The following RUNDC3A variants were observed in gnomAD, a reference collection of about 807,000 sequenced individuals.
RUNDC3A encodes RUN domain containing 3A.
In RUNDC3A, 28 loss-of-function variants were observed where a neutral mutation model predicts 53.9. The observed-to-expected ratio is 0.52, with a 90% CI of 0.38 to 0.71. The LOEUF (loss-of-function observed/expected upper bound fraction) is 0.71, where lower values mean the gene tolerates loss of function less well. RUNDC3A is among the 30% of genes least tolerant of loss of function. The pLI, the probability that RUNDC3A is intolerant of heterozygous loss-of-function variation, is 0.00. For synonymous variants in RUNDC3A, 232 were observed against 249.4 expected (o/e 0.93, Z 0.66); for missense variants, 491 against 597.3 (o/e 0.82, Z 1.85).
At position 44,318,362 on chromosome 17, in the gene RUNDC3A, C is replaced by A; in HGVS notation, c.*124C>A. 1 of 1,117,454 alleles carries A rather than the reference C, an allele frequency of 8.9e-7. No homozygotes were observed. Among genetic ancestry groups the A allele is most frequent in the Non-Finnish European group, 1.3e-6 (1 of 787,340 alleles). 69.2% of individuals were successfully genotyped at this position (1,117,454 alleles called of 1,614,324 possible). ...GAACGCTACCCACCCAGCCAGGGTT[C>A]TCTCGGGGAAGATCTCGTCTGCTCA... is the stretch of plus-strand genomic sequence containing the variant. On this transcript the variant is annotated 3_prime_UTR_variant, in exon 11 of 11. Transcript: ENST00000426726.
chr17:44,308,956 G>A lies in RUNDC3A; in HGVS notation c.107+17G>A, dbSNP rs965797515. The A allele has an allele frequency of 6.4e-7, 1 of 1,566,490 alleles. No individual in the cohort carries two copies. Among genetic ancestry groups the A allele is most frequent in the Non-Finnish European group, 8.7e-7 (1 of 1,145,758 alleles). Reference sequence around the variant, plus strand: ...CGTGTGCAGGTGGGCACCGCTAGTGGGCGGGGGCTGGGGTGGTGAGGGAGA... The same window carrying A: ...CGTGTGCAGGTGGGCACCGCTAGTGAGCGGGGGCTGGGGTGGTGAGGGAGA... On this transcript the variant is annotated intron_variant, in intron 1 of 10. Transcript: ENST00000426726.
chr17:44,316,350 T>C, intron 8 of RUNDC3A, 35 bp from the exon 9 acceptor site: 1 of 1,588,984 alleles, frequency 6.3e-7, no homozygotes, highest in Non-Finnish European at 8.6e-7. Context: ...CTTCTCCTAC[T>C]TCCAGCCAGG....
intron 10 of RUNDC3A, 28 bp downstream of exon 10, chr17:44,316,753 AC>A: frequency 6.7e-7 from 1 of 1,486,022 alleles, no homozygotes; most frequent in Non-Finnish European, 9.1e-7. Context: ...AACACCCAGT[AC>A]CCCTCCAGAA....
chr17:44,314,651 C>T, intron 4 of RUNDC3A, 84 bp from the exon 5 acceptor site: 1 of 1,314,696 alleles, frequency 7.6e-7, no homozygotes, highest in Non-Finnish European at 1.0e-6. Flanking sequence ...GATGGGGTGG[C>T]AGTAAGCCAA....
Position 44,317,017 on chromosome 17 carries a change from G to A in RUNDC3A, c.1198+292G>A, listed in dbSNP as rs118105236. ...TGTGTATTTTTAGTAGAGACGCGCG[G>A]CTAATTTGTGTATTTTTAGTAGAGA... On this transcript the variant is annotated intron_variant, in intron 10 of 10. Transcript: ENST00000426726. 3.2e-4 allele frequency: 134 copies of A among 422,948 alleles called. 1 individual carries two copies. In the East Asian group the frequency reaches 5.1e-3, roughly 16 times the overall value. The allele number at this position is 422,948 out of a possible 1,614,324, so 26.2% of individuals were successfully genotyped here.
intron 4 of RUNDC3A, 173 bp downstream of exon 4, chr17:44,313,676 C>CTTT: frequency 8.6e-7 from 1 of 1,163,134 alleles, no homozygotes; most frequent in South Asian, 2.4e-5. Flanking sequence ...CCAGGACGAA[C>CTTT]TCTTTTTTTT....
At chr17:44,311,912 A>G (rs1264670761) in intron 1 of RUNDC3A, among the ~76,000 whole-genome samples, 1 of 141,514 alleles carries the variant, frequency 7.1e-6, no homozygotes, top group Non-Finnish European at 1.5e-5. Context: ...CATACCCCGC[A>G]CCTCCCCACC....
At position 44,308,808 on chromosome 17, in the gene RUNDC3A, G is replaced by C; in HGVS notation, c.-25G>C. The C allele has an allele frequency of 6.6e-7, 1 of 1,518,608 alleles. No homozygotes were observed. The highest frequency in any genetic ancestry group is 9.0e-7 in the Non-Finnish European group (1 of 1,113,192). 94.1% of individuals were successfully genotyped at this position (1,518,608 alleles called of 1,614,324 possible). A position where few individuals can be genotyped will look rare whatever the true frequency, so the allele number is the denominator to read the frequency against. On this transcript the variant is annotated 5_prime_UTR_variant, in exon 1 of 11. Coordinates refer to ENST00000426726, the MANE Select transcript of RUNDC3A (RefSeq NM_001144825.2). ...GGGAGGGGTGGGGGGGCAGCGGGCGGCGGCAGCAGTGGCCGCACATCTGGA... is the reference window on the plus strand; with the variant it reads ...GGGAGGGGTGGGGGGGCAGCGGGCGCCGGCAGCAGTGGCCGCACATCTGGA...
Position 44,318,435 on chromosome 17 carries a change from G to A in RUNDC3A, c.*197G>A. The A allele has an allele frequency of 1.6e-6, 1 of 637,454 alleles. No homozygotes were observed. Among genetic ancestry groups the A allele is most frequent in the Non-Finnish European group, 2.6e-6 (1 of 380,196 alleles). The allele number at this position is 637,454 out of a possible 1,614,324, so 39.5% of individuals were successfully genotyped here. A position where few individuals can be genotyped will look rare whatever the true frequency, so the allele number is the denominator to read the frequency against. On this transcript the variant is annotated 3_prime_UTR_variant, in exon 11 of 11. Transcript: ENST00000426726. ...CACGGGCTGCGGAAGAAAGCACGCT[G>A]GGCCAGGAGGCAGGGGTGCCCAAGC...
Position 44,312,765 on chromosome 17 carries a change from G to A in RUNDC3A, c.223+70G>A, listed in dbSNP as rs1185832500. ...CTCCCCCAGTGGTCCCTCCCCCAGC[G>A]CCCCTCCCCCAGCGGTCCCTCCCCA... is the stretch of plus-strand genomic sequence containing the variant. On this transcript the variant is annotated intron_variant, in intron 2 of 10. Transcript: ENST00000426726. 169 of 340,298 alleles carry A rather than the reference G, an allele frequency of 5.0e-4. 1 individual carries two copies. The highest frequency in any genetic ancestry group is 2.3e-3 in the Admixed American group (32 of 13,926). The allele number at this position is 340,298 out of a possible 1,614,324, so 21.1% of individuals were successfully genotyped here.
chr17:44,317,869 C>A, intron 10 of RUNDC3A: 1 of 593,940 alleles, frequency 1.7e-6, no homozygotes, highest in African/African-American at 1.9e-5. Context: ...GGATGACCCT[C>A]ACGGGGAGAC....
At chr17:44,317,877 G>T in intron 10 of RUNDC3A, 1 of 594,868 alleles carries the variant, frequency 1.7e-6, no homozygotes, top group South Asian at 2.0e-5. Context: ...CTCACGGGGA[G>T]ACAGAGACAT....
intron 4 of RUNDC3A, chr17:44,313,900 C>T (rs1448113860): frequency 1.1e-6 from 1 of 904,492 alleles, no homozygotes; most frequent in African/African-American, 1.8e-5. Context: ...AAACTCCCAA[C>T]CTCAGGTGAT....
rs762915955 is a variant in RUNDC3A at position 44,316,338 on chromosome 17, C to T, written c.954-47C>T. The T allele has an allele frequency of 1.9e-6, 3 of 1,569,938 alleles. No individual in the cohort carries two copies. The Middle Eastern group carries it at 5.1e-4, about 266-fold the overall frequency. On this transcript the variant is annotated intron_variant, in intron 8 of 10. Coordinates refer to ENST00000426726, the MANE Select transcript of RUNDC3A (RefSeq NM_001144825.2). The stretch of plus-strand genomic sequence containing the variant: ...ATCCCCTTGCTGAATCTCCCTTCCT[C>T]ACTTCTCCTACTTCCAGCCAGGCCT...
At position 44,315,351 on chromosome 17, in the gene RUNDC3A, G is replaced by T. The variant is rs528713440; in HGVS notation, c.795+31G>T. 3 of 1,311,320 alleles carry T rather than the reference G, an allele frequency of 2.3e-6. No homozygotes were observed. The highest frequency in any genetic ancestry group is 2.9e-6 in the Non-Finnish European group (3 of 1,024,248). The allele number at this position is 1,311,320 out of a possible 1,614,324, so 81.2% of individuals were successfully genotyped here. ...CGACGCCGGCGGGCCCGGGGGGCGGGCGGGCCGGGCGGGGGATCCGGGCAT... is the reference window on the plus strand; with the variant it reads ...CGACGCCGGCGGGCCCGGGGGGCGGTCGGGCCGGGCGGGGGATCCGGGCAT... On this transcript the variant is annotated intron_variant, in intron 7 of 10. Coordinates refer to ENST00000426726, the MANE Select transcript of RUNDC3A (RefSeq NM_001144825.2). This position sits in a 1 kb window ranked among gnomAD's most constrained non-coding sequence, Gnocchi z 6.1.
rs1408329896 is a variant in RUNDC3A at position 44,318,124 on chromosome 17, C to T, written c.1227C>T (p.Gly409=). 2 of 1,551,552 alleles carry T rather than the reference C, an allele frequency of 1.3e-6. No homozygotes were observed. The highest frequency in any genetic ancestry group is 1.7e-6 in the Non-Finnish European group (2 of 1,146,974). Reference sequence around the variant, plus strand: ...AGGACCCCACGCCCTCCATGCTGGGCCTCTGCGGCTCCCTGGCCTCCATTC... The same window carrying T: ...AGGACCCCACGCCCTCCATGCTGGGTCTCTGCGGCTCCCTGGCCTCCATTC... ...IGKDPTPSML[G]LCGSLASIPS... The change falls in exon 11 of 11, where the codon GGC becomes GGT. Residue 409 remains glycine, a synonymous_variant. Coordinates refer to ENST00000426726, the MANE Select transcript of RUNDC3A (RefSeq NM_001144825.2).
intron 10 of RUNDC3A, chr17:44,317,223 C>G (rs1455554153): frequency 1.7e-6 from 1 of 583,798 alleles, no homozygotes; most frequent in Non-Finnish European, 3.1e-6. Flanking sequence ...ATATGCAGAA[C>G]CCAGCATAAA....
rs199996503 is a variant in RUNDC3A at position 44,315,185 on chromosome 17, G to A, written c.660G>A (p.Arg220=). The A allele has an allele frequency of 6.4e-7, 1 of 1,561,814 alleles. No individual in the cohort carries two copies. Among genetic ancestry groups the A allele is most frequent in the Non-Finnish European group, 8.7e-7 (1 of 1,152,856 alleles). Residue 220 remains arginine (R), a synonymous_variant, in exon 7 of 11, where the codon CGG becomes CGA. Coordinates refer to ENST00000426726, the MANE Select transcript of RUNDC3A (RefSeq NM_001144825.2). This position sits in a 1 kb window ranked among gnomAD's most constrained non-coding sequence, Gnocchi z 6.1. ...ACTACCTGACGGACGAGGAGGAGCGGCACAGCGCCGAGAGCAGCACGAGCG... is the reference window on the plus strand; with the variant it reads ...ACTACCTGACGGACGAGGAGGAGCGACACAGCGCCGAGAGCAGCACGAGCG... ...SYDYLTDEEE[R]HSAESSTSED... is the part of the protein sequence containing the mutation.
At position 44,312,638 on chromosome 17, in the gene RUNDC3A, G is replaced by T. The variant is rs866660091; in HGVS notation, c.166G>T (p.Glu56Ter). ...AGCGGAGCCCATCGATGACTCATCGGAGGAGTTTGTCAATTTTGCAGCCAT... is the reference window on the plus strand; with the variant it reads ...AGCGGAGCCCATCGATGACTCATCGTAGGAGTTTGTCAATTTTGCAGCCAT... The part of the protein sequence containing the change: ...YTAEPIDDSS[E>*]EFVNFAAILE... Residue 56 changes from glutamate (E) to a stop codon, truncating the protein, a stop_gained, in exon 2 of 11, where the codon GAG becomes TAG. Coordinates refer to ENST00000426726, the MANE Select transcript of RUNDC3A (RefSeq NM_001144825.2). LOFTEE classifies it high-confidence loss of function. 1 of 1,588,042 alleles carries T rather than the reference G, an allele frequency of 6.3e-7. No individual in the cohort carries two copies. Among genetic ancestry groups the T allele is most frequent in the Non-Finnish European group, 8.6e-7 (1 of 1,167,602 alleles).
Sources: allele counts gnomAD v4.1 joint callset (sites outside exome capture counted in the v4.1 genomes callset), GRCh38; gene constraint gnomAD v4.1.1; non-coding constraint Gnocchi (gnomAD v3.1); transcripts MANE v1.5; gene names NCBI Gene and HGNC (gene_info 2026-07-23, HGNC 2026-07-21).